Variants in CYS1 observed in about 807,000 individuals in gnomAD.
CYS1 encodes the protein cystin-1.
A neutral mutation model predicts 9.6 loss-of-function variants in CYS1; 5 were observed. That is an observed-to-expected ratio of 0.52 (90% CI 0.27 to 1.10). The LOEUF is 1.10. Among genes scored for constraint, CYS1 ranks in the 50% least tolerant of loss-of-function variants. The probability of loss-of-function intolerance (pLI) is 0.11; values close to 1 mark genes in which losing one functional copy is unlikely to be tolerated. For missense variants in CYS1, 221 were observed against 207.9 expected (o/e 1.06, Z -0.39); for synonymous variants, 88 against 95.7 (o/e 0.92, Z 0.47).
At chr2:10,071,591 A>T (rs1661769323) in intron 1 of CYS1, among the ~76,000 whole-genome samples, 1 of 152,130 alleles carries the variant, frequency 6.6e-6, no homozygotes, top group Non-Finnish European at 1.5e-5. Flanking sequence ...CTGAGATTTT[A>T]TTGCGTGGCC....
Position 10,080,304 on chromosome 2 carries a change from G to T in CYS1, c.-81C>A, listed in dbSNP as rs560005252. The T allele has an allele frequency of 1.0e-5, 9 of 895,068 alleles. No homozygotes were observed. The highest frequency in any genetic ancestry group is 2.2e-4 in the East Asian group (2 of 9,090). The allele number at this position is 895,068 out of a possible 1,614,324, so 55.4% of individuals were successfully genotyped here. ...GGGGGCGGGGACGCTAGGGGGTGCG[G>T]CCGGGGCGGGCTGCAGGGGGAGGCG... On this transcript the variant is annotated 5_prime_UTR_variant, in exon 1 of 3. Transcript: ENST00000381813. The surrounding 1 kb of genome is among the most constrained non-coding windows in gnomAD (Gnocchi z 6.4).
Position 10,057,794 on chromosome 2 carries a change from A to C in CYS1, c.*1059T>G, listed in dbSNP as rs1210608098. On this transcript the variant is annotated 3_prime_UTR_variant, in exon 3 of 3. Transcript: ENST00000381813. ...CAGGCCACACCTGGGCCCAGGCTCC[A>C]GACCTGCCCGCCCACACAGGAGTCC... The C allele has an allele frequency of 6.6e-6, 1 of 152,370 alleles. No homozygotes were observed. Among genetic ancestry groups the C allele is most frequent in the Non-Finnish European group, 1.5e-5 (1 of 68,264 alleles). The allele number at this position is 152,370 out of a possible 1,614,324, so 9.4% of individuals were successfully genotyped here.
At position 10,063,468 on chromosome 2, in the gene CYS1, A is replaced by C. The variant is rs1233606774; in HGVS notation, c.371+2436T>G. Among the ~76,000 whole-genome samples the C allele has an allele frequency of 6.6e-6, 1 of 152,232 alleles. No homozygotes were observed. The highest frequency in any genetic ancestry group is 1.9e-4 in the East Asian group (1 of 5,204). ...AAAAGTTAAAATTTGTAGATTCAAC[A>C]ATTAAGTTCAACTTTGCTATATTTA... On this transcript the variant is annotated intron_variant, in intron 2 of 2. Coordinates refer to ENST00000381813, the MANE Select transcript of CYS1 (RefSeq NM_001037160.3). The surrounding 1 kb of genome is among the most constrained non-coding windows in gnomAD (Gnocchi z 4.2).
At position 10,076,800 on chromosome 2, in the gene CYS1, A is replaced by G. The variant is rs1305194188; in HGVS notation, c.318+3106T>C. ...TGCTTCCTAAGCACACGCTGGCAGC[A>G]TCGTCACTGGTGATCCCATCTAATC... On this transcript the variant is annotated intron_variant, in intron 1 of 2. Transcript: ENST00000381813. The surrounding 1 kb of genome is among the most constrained non-coding windows in gnomAD (Gnocchi z 4.3). 1.3e-5 allele frequency among the ~76,000 whole-genome samples: 2 copies of G among 152,176 alleles called. No homozygotes were observed. The highest frequency in any genetic ancestry group is 2.9e-5 in the Non-Finnish European group (2 of 68,026).
In CYS1 at chr2:10,056,983, G is replaced by C. The variant is rs761960659; in HGVS notation, c.*1870C>G. Reference sequence around the variant, plus strand: ...GTGCATTTACTTTGACATTGATATAGCTTGTAACTACTTTTGGAATTTTTT... The same window carrying C: ...GTGCATTTACTTTGACATTGATATACCTTGTAACTACTTTTGGAATTTTTT... On this transcript the variant is annotated 3_prime_UTR_variant, in exon 3 of 3. Coordinates refer to ENST00000381813, the MANE Select transcript of CYS1 (RefSeq NM_001037160.3). 9 of 152,138 alleles carry C rather than the reference G, an allele frequency of 5.9e-5. No individual in the cohort carries two copies. Among genetic ancestry groups the C allele is most frequent in the Non-Finnish European group, 1.3e-4 (9 of 68,032 alleles). 9.4% of individuals were successfully genotyped at this position (152,138 alleles called of 1,614,324 possible).
rs1361112779 is a variant in CYS1 at position 10,076,605 on chromosome 2, C to T, written c.318+3301G>A. ...AGCTGAGCACGCCCTCCGTCCTAAG[C>T]ACCTTCCTCCCTTGGCTTCCGGATG... On this transcript the variant is annotated intron_variant, in intron 1 of 2. Coordinates refer to ENST00000381813, the MANE Select transcript of CYS1 (RefSeq NM_001037160.3). The surrounding 1 kb of genome is among the most constrained non-coding windows in gnomAD (Gnocchi z 4.3). Among the ~76,000 whole-genome samples, 1 of 152,210 alleles carries T rather than the reference C, an allele frequency of 6.6e-6. No individual in the cohort carries two copies. Among genetic ancestry groups the T allele is most frequent in the Admixed American group, 6.5e-5 (1 of 15,278 alleles).
chr2:10,073,778 G>A (rs924103121), intron 1 of CYS1, among the ~76,000 whole-genome samples: 1 of 152,170 alleles, frequency 6.6e-6, no homozygotes, highest in African/African-American at 2.4e-5. Context: ...AAGAGTGCAT[G>A]AGCCGACATC....
intron 1 of CYS1, among the ~76,000 whole-genome samples, chr2:10,073,225 C>T (rs113468690): frequency 7.3e-5 from 9 of 123,886 alleles, no homozygotes; most frequent in Admixed American, 2.3e-4. Context: ...CCCCCCCCCC[C>T]GGCTGTGGGC....
Position 10,058,869 on chromosome 2 carries a change from C to T in CYS1, c.461G>A (p.Arg154Gln). ...SEEGLMASIE[R>Q]EYCR The stretch of plus-strand genomic sequence containing the variant: ...ATGCTGTCCTCAGCGGCAGTACTCC[C>T]GCTCGATGCTCGCCATCAGCCCCTC... Residue 154 changes from arginine to glutamine, a missense_variant, in exon 3 of 3, where the codon CGG becomes CAG. By Grantham distance (43) the Arg-to-Gln change is conservative. Coordinates refer to ENST00000381813, the MANE Select transcript of CYS1 (RefSeq NM_001037160.3). 2 of 1,583,800 alleles carry T rather than the reference C, an allele frequency of 1.3e-6. No homozygotes were observed. The highest frequency in any genetic ancestry group is 1.7e-6 in the Non-Finnish European group (2 of 1,165,602).
At chr2:10,062,534 G>A (rs915975785) in intron 2 of CYS1, among the ~76,000 whole-genome samples, 1 of 152,042 alleles carries the variant, frequency 6.6e-6, no homozygotes, top group Non-Finnish European at 1.5e-5. Context: ...CCAAGTACCT[G>A]GGAATACAGG....
Position 10,063,899 on chromosome 2 carries a change from C to G in CYS1, c.371+2005G>C, listed in dbSNP as rs372287169. On this transcript the variant is annotated intron_variant, in intron 2 of 2. Transcript: ENST00000381813. This position sits in a 1 kb window ranked among gnomAD's most constrained non-coding sequence, Gnocchi z 4.2. Reference sequence around the variant, plus strand: ...GCCCTGGGCACTCCTACGCCTAGGGCAGCACTCAGGGAGGCTCCCATTAAA... The same window carrying G: ...GCCCTGGGCACTCCTACGCCTAGGGGAGCACTCAGGGAGGCTCCCATTAAA... Among the ~76,000 whole-genome samples the G allele has an allele frequency of 2.7e-3, 414 of 152,332 alleles. No homozygotes were observed. The highest frequency in any genetic ancestry group is 9.4e-3 in the African/African-American group (390 of 41,578).
chr2:10,079,278 G>A (rs1006722984), intron 1 of CYS1, among the ~76,000 whole-genome samples: 1 of 152,162 alleles, frequency 6.6e-6, no homozygotes, highest in African/African-American at 2.4e-5. Context: ...TCAGGGAGGA[G>A]GACGAGGCCC....
In CYS1 at chr2:10,058,923, G is replaced by A. The variant is rs780173331; in HGVS notation, c.407C>T (p.Pro136Leu). Reference protein sequence around the residue: ...PGSGRKKPERPAAISYDHSEE... With the variant: ...PGSGRKKPERLAAISYDHSEE... ...CGAGTGGTCGTAGGAGATGGCTGCCGGCCTCTCGGGCTTCTTGCGACCGCT... is the reference window on the plus strand; with the variant it reads ...CGAGTGGTCGTAGGAGATGGCTGCCAGCCTCTCGGGCTTCTTGCGACCGCT... The change falls in exon 3 of 3, where the codon CCG becomes CTG. Residue 136 changes from proline to leucine, a missense_variant. Coordinates refer to ENST00000381813, the MANE Select transcript of CYS1 (RefSeq NM_001037160.3). 7.5e-6 allele frequency: 12 copies of A among 1,593,388 alleles called. No individual in the cohort carries two copies. Among genetic ancestry groups the A allele is most frequent in the Middle Eastern group, 3.3e-4 (2 of 6,030 alleles).
At chr2:10,068,802 G>T (rs1051185911) in intron 1 of CYS1, among the ~76,000 whole-genome samples, 3 of 152,156 alleles carry the variant, frequency 2.0e-5, no homozygotes, top group African/African-American at 7.2e-5. Flanking sequence ...AGCTAGGCGT[G>T]GTGGCTACCA....
chr2:10,062,536 G>A (rs542379529), intron 2 of CYS1, among the ~76,000 whole-genome samples: 16 of 152,244 alleles, frequency 1.1e-4, no homozygotes, highest in African/African-American at 3.9e-4. Flanking sequence ...AAGTACCTGG[G>A]AATACAGGCA....
At chr2:10,079,686 C>T (rs1052570464) in intron 1 of CYS1, among the ~76,000 whole-genome samples, 2 of 151,926 alleles carry the variant, frequency 1.3e-5, no homozygotes, top group African/African-American at 2.4e-5. Flanking sequence ...CGGCCGCTCC[C>T]AGCGCGATCG....
In CYS1 at chr2:10,080,346, A is replaced by C; in HGVS notation, c.-123T>G. The C allele has an allele frequency of 1.9e-6, 1 of 528,622 alleles. No individual in the cohort carries two copies. Among genetic ancestry groups the C allele is most frequent in the Non-Finnish European group, 2.4e-6 (1 of 412,550 alleles). 32.7% of individuals were successfully genotyped at this position (528,622 alleles called of 1,614,324 possible). A position where few individuals can be genotyped will look rare whatever the true frequency, so the allele number is the denominator to read the frequency against. On this transcript the variant is annotated 5_prime_UTR_variant, in exon 1 of 3. Transcript: ENST00000381813. The surrounding 1 kb of genome is among the most constrained non-coding windows in gnomAD (Gnocchi z 6.4). The stretch of plus-strand genomic sequence containing the variant: ...GGGGAGGCGCGGGGCGAGGTCCGGG[A>C]AGCGACCGCGGCCAGGGGCTAGGGT...
chr2:10,073,503 T>A (rs1370273040), intron 1 of CYS1, among the ~76,000 whole-genome samples: 1 of 152,218 alleles, frequency 6.6e-6, no homozygotes, highest in Non-Finnish European at 1.5e-5. Flanking sequence ...TCAAGTCATC[T>A]CGGATTTCAG....
At chr2:10,059,136 G>T (rs886392932) in intron 2 of CYS1, among the ~76,000 whole-genome samples, 178 bp from the exon 3 acceptor site, 1 of 152,234 alleles carries the variant, frequency 6.6e-6, no homozygotes. Flanking sequence ...GGCTTCTACT[G>T]CGTCCGCTTC....
Sources: gnomAD v4.1 joint callset for allele counts (sites outside exome capture counted in the v4.1 genomes callset) on GRCh38, gnomAD v4.1.1 for gene constraint, Gnocchi (gnomAD v3.1) non-coding constraint, MANE v1.5 for transcripts, NCBI Gene and HGNC (gene_info 2026-07-23, HGNC 2026-07-21) for gene names.